The following MOCOS variants were observed in gnomAD, a reference collection of about 807,000 sequenced individuals.
The protein encoded by MOCOS is molybdenum cofactor sulfurase, also known as human molybdenum cofactor sulfurase.
A neutral mutation model predicts 83.6 loss-of-function variants in MOCOS; 86 were observed. That is an observed-to-expected ratio of 1.03 (90% CI 0.86 to 1.23). The LOEUF (loss-of-function observed/expected upper bound fraction) is 1.23, where lower values mean the gene tolerates loss of function less well. MOCOS is among the 50% of genes most tolerant of loss of function. The pLI is 0.00. For synonymous variants in MOCOS, 445 were observed against 434.7 expected, an observed-to-expected ratio of 1.02 and a Z score of -0.29; for missense variants, 1,120 against 1,126.9, an observed-to-expected ratio of 0.99 and a Z score of 0.09.
intron 6 of MOCOS, among the ~76,000 whole-genome samples, chr18:36,210,869 A>AAAAAAAAAAAAAAAG (rs2091452975): frequency 7.6e-6 from 1 of 132,084 alleles, no homozygotes; most frequent in Non-Finnish European, 1.7e-5. Flanking sequence ...AAAAAAAAAA[A>AAAAAAAAAAAAAAAG]AAAAAAAAAA....
intron 1 of MOCOS, among the ~76,000 whole-genome samples, chr18:36,193,163 T>G: frequency 7.1e-6 from 1 of 141,436 alleles, no homozygotes; most frequent in Non-Finnish European, 1.5e-5. Flanking sequence ...TACAAAAAAT[T>G]AGCCGGGCGC....
intron 11 of MOCOS, among the ~76,000 whole-genome samples, chr18:36,251,803 A>G (rs2091623364): frequency 6.6e-6 from 1 of 152,188 alleles, no homozygotes; most frequent in Admixed American, 6.5e-5. Context: ...AGATGAAAGT[A>G]CTTTGAAAGT....
intron 1 of MOCOS, among the ~76,000 whole-genome samples, chr18:36,190,590 T>C (rs57317126): frequency 0.15 from 22,681 of 150,682 alleles, 1,917 homozygotes; most frequent in East Asian, 0.32. Flanking sequence ...CTCTACAAAA[T>C]ATACAAAAAT....
At chr18:36,224,574 A>G (rs1407081688) in intron 9 of MOCOS, among the ~76,000 whole-genome samples, 1 of 152,186 alleles carries the variant, frequency 6.6e-6, no homozygotes, top group Non-Finnish European at 1.5e-5. Context: ...CTGTTAATGT[A>G]GTATGTCACA....
chr18:36,221,260 G>C (rs750824474), intron 9 of MOCOS, among the ~76,000 whole-genome samples: 2 of 152,158 alleles, frequency 1.3e-5, no homozygotes, highest in East Asian at 3.8e-4. Context: ...AAATAGCTAC[G>C]TGTAGCTATG....
chr18:36,252,006 TC>T (rs2091623983), intron 11 of MOCOS, among the ~76,000 whole-genome samples: 1 of 152,174 alleles, frequency 6.6e-6, no homozygotes, highest in Non-Finnish European at 1.5e-5. Context: ...TATATTTTGC[TC>T]ACTTATTTTG....
chr18:36,226,352 G>C (rs1183737739), intron 9 of MOCOS, among the ~76,000 whole-genome samples: 1 of 151,798 alleles, frequency 6.6e-6, no homozygotes, highest in East Asian at 1.9e-4. Flanking sequence ...ACTCTCTTTT[G>C]GTTACCATTT....
intron 11 of MOCOS, among the ~76,000 whole-genome samples, chr18:36,251,497 C>T (rs1325073090): frequency 1.3e-5 from 2 of 152,210 alleles, no homozygotes; most frequent in African/African-American, 4.8e-5. Context: ...GGCATAAAGC[C>T]AGCTGTCCAG....
Position 36,266,751 on chromosome 18 carries a change from T to A in MOCOS, c.2412T>A (p.Val804=), listed in dbSNP as rs1407787930. 1 of 1,613,928 alleles carries A rather than the reference T, an allele frequency of 6.2e-7. No individual in the cohort carries two copies. Among genetic ancestry groups the A allele is most frequent in the Admixed American group, 1.7e-5 (1 of 60,014 alleles). ...EISIGSLRFQ[V]LGPCHRCQMI... ...GTGTTTTCCTTCTCACCTGCCAGGT[T>A]TTGGGGCCTTGTCACAGATGCCAGA... is the stretch of plus-strand genomic sequence containing the variant. The change falls in exon 14 of 15, where the codon GTT becomes GTA. Residue 804 remains valine, a splice_region_variant and synonymous_variant. Coordinates refer to ENST00000261326, the MANE Select transcript of MOCOS (RefSeq NM_017947.4).
intron 6 of MOCOS, 35 bp downstream of exon 6, chr18:36,205,311 A>G (rs967365945): frequency 1.3e-6 from 2 of 1,583,226 alleles, no homozygotes; most frequent in East Asian, 2.2e-5. Context: ...ACTTTATTAC[A>G]ACTCATCCTA....
intron 8 of MOCOS, among the ~76,000 whole-genome samples, chr18:36,217,725 A>G (rs1478985259): frequency 2.6e-5 from 4 of 152,218 alleles, no homozygotes; most frequent in Admixed American, 6.5e-5. Context: ...GCTAAAATAA[A>G]GGTTCAAAGA....
At chr18:36,222,884 GC>G (rs1222612767) in intron 9 of MOCOS, among the ~76,000 whole-genome samples, 1 of 152,192 alleles carries the variant, frequency 6.6e-6, no homozygotes, top group Non-Finnish European at 1.5e-5. Context: ...ACAGGCGTGA[GC>G]CATCGCGCCC....
chr18:36,213,097 G>A (rs992467308), intron 6 of MOCOS, among the ~76,000 whole-genome samples: 2 of 152,214 alleles, frequency 1.3e-5, no homozygotes, highest in Non-Finnish European at 2.9e-5. Flanking sequence ...TCCAGGCTGC[G>A]AGCTGAGGCG....
Position 36,200,054 on chromosome 18 carries a change from TGC to T in MOCOS, c.672_673del (p.His225ProfsTer39), listed in dbSNP as rs770613166. 2.5e-6 allele frequency: 4 copies of T among 1,614,202 alleles called. No individual in the cohort carries two copies. The South Asian group carries it at 4.4e-5, about 18-fold the overall frequency. ...ATAGAAGAGGTCAAGTCTGGGCGGT[TGC>T]ACCCTGTGAGCACGCCTGGGAAGTG... is the stretch of plus-strand genomic sequence containing the variant. On this transcript the variant is annotated frameshift_variant, in exon 4 of 15. Transcript: ENST00000261326. LOFTEE classifies it high-confidence loss of function.
intron 4 of MOCOS, 84 bp downstream of exon 4, chr18:36,200,408 G>T: frequency 1.3e-6 from 2 of 1,547,460 alleles, no homozygotes; most frequent in South Asian, 1.2e-5. Flanking sequence ...TGCAAGAGGT[G>T]GGTCTGGCTT....
Position 36,199,570 on chromosome 18 carries a change from C to A in MOCOS, c.300-113C>A, listed in dbSNP as rs967563736. On this transcript the variant is annotated intron_variant, in intron 3 of 14. Coordinates refer to ENST00000261326, the MANE Select transcript of MOCOS (RefSeq NM_017947.4). Reference sequence around the variant, plus strand: ...GCCCTAATTTCGCAGCTGTGGCAAACCTATCTATCCATTAAGGTAGAGATG... The same window carrying A: ...GCCCTAATTTCGCAGCTGTGGCAAAACTATCTATCCATTAAGGTAGAGATG... 9 of 1,539,702 alleles carry A rather than the reference C, an allele frequency of 5.8e-6. 1 individual carries two copies. In the Middle Eastern group the frequency reaches 1.4e-3, roughly 238 times the overall value.
chr18:36,191,356 G>A (rs918756103), intron 1 of MOCOS, among the ~76,000 whole-genome samples: 3 of 152,162 alleles, frequency 2.0e-5, no homozygotes, highest in African/African-American at 4.8e-5. Context: ...TCCCTCTCAC[G>A]CCAGCTGCAG....
rs1008804715 is a variant in MOCOS, at chr18:36,269,326, A to C, written c.*641A>C. On this transcript the variant is annotated 3_prime_UTR_variant, in exon 15 of 15. Transcript: ENST00000261326. Reference sequence around the variant, plus strand: ...CATCCCCCACTGAGTTGATGCACTGAGGATGGCTCACGAGCCTGAAGTTAC... The same window carrying C: ...CATCCCCCACTGAGTTGATGCACTGCGGATGGCTCACGAGCCTGAAGTTAC... 3.2e-5 allele frequency: 5 copies of C among 154,000 alleles called. No individual in the cohort carries two copies. Among genetic ancestry groups the C allele is most frequent in the African/African-American group, 1.2e-4 (5 of 41,458 alleles). The allele number at this position is 154,000 out of a possible 1,614,324, so 9.5% of individuals were successfully genotyped here. A position where few individuals can be genotyped will look rare whatever the true frequency, so the allele number is the denominator to read the frequency against.
intron 9 of MOCOS, among the ~76,000 whole-genome samples, chr18:36,247,243 G>T (rs1350153771): frequency 6.6e-6 from 1 of 152,170 alleles, no homozygotes; most frequent in East Asian, 1.9e-4. Context: ...ACAGGCATCT[G>T]GTAAGCAGGG....
Sources: gnomAD v4.1 joint callset for allele counts (sites outside exome capture counted in the v4.1 genomes callset) on GRCh38, gnomAD v4.1.1 for gene constraint, MANE v1.5 for transcripts, NCBI Gene and HGNC (gene_info 2026-07-23, HGNC 2026-07-21) for gene names.